The following BRCC3 variants were observed in gnomAD, a reference collection of about 807,000 sequenced individuals.
BRCC3 encodes the protein lys-63-specific deubiquitinase BRCC36.
Under a neutral mutation model 28.0 loss-of-function variants are expected in BRCC3, and 15 were observed. The observed-to-expected ratio is 0.54, with a 90% confidence interval of 0.36 to 0.82. The LOEUF (loss-of-function observed/expected upper bound fraction) is 0.82. Among genes scored for constraint, BRCC3 ranks in the 40% least tolerant of loss-of-function variants. The pLI, the probability that BRCC3 is intolerant of heterozygous loss-of-function variation, is 0.01. For missense variants in BRCC3, 109 were observed against 225.9 expected, an observed-to-expected ratio of 0.48 and a Z score of 3.32; for synonymous variants, 66 against 80.3, an observed-to-expected ratio of 0.82 and a Z score of 0.95.
intron 7 of BRCC3, among the ~76,000 whole-genome samples, chrX:155,094,369 G>C (rs1203498443): frequency 9.1e-6 from 1 of 109,620 alleles, no homozygotes; most frequent in Non-Finnish European, 1.9e-5. Context: ...AAATGATAAT[G>C]ATTATTATTA....
rs781940202 is a variant in BRCC3, at chrX:155,082,545, G to A, written c.403+3842G>A. On this transcript the variant is annotated intron_variant, in intron 5 of 10. Coordinates refer to ENST00000330045, the MANE Select transcript of BRCC3 (RefSeq NM_001018055.3). The stretch of plus-strand genomic sequence containing the variant: ...ATGCAACAATTGTTAACCTTTGGTC[G>A]CATTTGCTTTATCATATTCTCCCTC... 4.5e-5 allele frequency among the ~76,000 whole-genome samples: 5 copies of A among 112,202 alleles called. No homozygotes were observed. The East Asian group carries it at 1.4e-3, about 31-fold the overall frequency.
intron 1 of BRCC3, among the ~76,000 whole-genome samples, chrX:155,071,868 C>A (rs976533623): frequency 3.6e-5 from 4 of 112,026 alleles, no homozygotes; most frequent in African/African-American, 1.3e-4. Flanking sequence ...TGTACAGGCC[C>A]CGGGAGCCTT....
intron 7 of BRCC3, among the ~76,000 whole-genome samples, chrX:155,100,897 A>T (rs1387320528): frequency 9.6e-6 from 1 of 103,641 alleles, no homozygotes; most frequent in African/African-American, 3.5e-5. Flanking sequence ...CAGTATAATA[A>T]TTTTTTTTTT....
At chrX:155,115,050 T>A (rs1300509858) in intron 7 of BRCC3, among the ~76,000 whole-genome samples, 8 of 111,948 alleles carry the variant, frequency 7.1e-5, no homozygotes, top group African/African-American at 2.3e-4. Context: ...CCTGGGAGGC[T>A]GGAAGATGAT....
At chrX:155,092,318 A>G (rs2124271221) in intron 7 of BRCC3, among the ~76,000 whole-genome samples, 1 of 111,808 alleles carries the variant, frequency 8.9e-6, no homozygotes, top group Non-Finnish European at 1.9e-5. Context: ...TTGACAGTAG[A>G]CAATATTTTT....
At chrX:155,097,046 A>G (rs1298056836) in intron 7 of BRCC3, among the ~76,000 whole-genome samples, 6 of 112,534 alleles carry the variant, frequency 5.3e-5, no homozygotes, top group Non-Finnish European at 9.4e-5. Context: ...CTGAAAGTGT[A>G]AAACTACTAG....
At chrX:155,090,930 G>A in intron 7 of BRCC3, 91 bp downstream of exon 7, 1 of 670,375 alleles carries the variant, frequency 1.5e-6, no homozygotes, top group Non-Finnish European at 2.4e-6. Context: ...CCTTTCACTG[G>A]TAAGACACTA....
At chrX:155,101,509 TAAGA>T (rs2074246881) in intron 7 of BRCC3, among the ~76,000 whole-genome samples, 1 of 112,401 alleles carries the variant, frequency 8.9e-6, no homozygotes, top group Admixed American at 9.4e-5. Context: ...TATTCTTCTC[TAAGA>T]AAGAGTTTTC....
chrX:155,095,853 T>C (rs1199658381), intron 7 of BRCC3, among the ~76,000 whole-genome samples: 1 of 111,954 alleles, frequency 8.9e-6, no homozygotes, highest in Non-Finnish European at 1.9e-5. Flanking sequence ...GTCATTGTGT[T>C]ACAGCTGCCT....
chrX:155,115,964 T>A (rs1437174034), intron 7 of BRCC3, 93 bp from the exon 8 acceptor site: 3 of 860,097 alleles, frequency 3.5e-6, no homozygotes, highest in Non-Finnish European at 5.0e-6. Context: ...CTTTAAAGTA[T>A]GCCATATCCC....
intron 5 of BRCC3, among the ~76,000 whole-genome samples, chrX:155,083,905 G>A (rs1477204039): frequency 8.9e-6 from 1 of 112,401 alleles, no homozygotes; most frequent in African/African-American, 3.2e-5. Flanking sequence ...CTGAGGGTCA[G>A]AGCTGAAATA....
chrX:155,098,075 T>C (rs1557296481), intron 7 of BRCC3, among the ~76,000 whole-genome samples: 1 of 112,724 alleles, frequency 8.9e-6, no homozygotes, highest in African/African-American at 3.2e-5. Flanking sequence ...TTTTAAAAAT[T>C]CTGCATTTCT....
At chrX:155,074,903 G>A (rs1557293245) in intron 3 of BRCC3, among the ~76,000 whole-genome samples, 1 of 111,472 alleles carries the variant, frequency 9.0e-6, no homozygotes, top group Non-Finnish European at 1.9e-5. Context: ...TTTAAGTGGA[G>A]TATTCAGTTG....
chrX:155,116,552 T>C (rs942514339), intron 8 of BRCC3, among the ~76,000 whole-genome samples, 159 bp from the exon 9 acceptor site: 4 of 112,054 alleles, frequency 3.6e-5, no homozygotes, highest in African/African-American at 1.3e-4. Flanking sequence ...TTGAATTATC[T>C]TTGAATAAAA....
chrX:155,087,096 G>A (rs1557295002), intron 5 of BRCC3, among the ~76,000 whole-genome samples: 1 of 111,896 alleles, frequency 8.9e-6, no homozygotes, highest in Non-Finnish European at 1.9e-5. Flanking sequence ...GCTGAGATGA[G>A]AATAAGTGTC....
At chrX:155,086,970 G>A (rs942814188) in intron 5 of BRCC3, among the ~76,000 whole-genome samples, 1 of 112,183 alleles carries the variant, frequency 8.9e-6, no homozygotes, top group Non-Finnish European at 1.9e-5. Context: ...AGAAGGAAAG[G>A]CTGAGAGGTG....
intron 5 of BRCC3, among the ~76,000 whole-genome samples, chrX:155,087,761 C>T (rs1177093346): frequency 5.4e-5 from 6 of 111,611 alleles, no homozygotes; most frequent in African/African-American, 1.6e-4. Flanking sequence ...AGGGAGTGAT[C>T]AGCTGAGATC....
chrX:155,102,947 G>T (rs2074256000), intron 7 of BRCC3, among the ~76,000 whole-genome samples: 1 of 111,476 alleles, frequency 9.0e-6, no homozygotes, highest in Non-Finnish European at 1.9e-5. Context: ...GTGTGTGTGT[G>T]TGCGTGTGTG....
At chrX:155,075,794 G>C (rs1557293536) in intron 3 of BRCC3, among the ~76,000 whole-genome samples, 1 of 111,653 alleles carries the variant, frequency 9.0e-6, no homozygotes, top group South Asian at 3.7e-4. Flanking sequence ...ATTATGGCTT[G>C]GCATTTGAGG....
Sources: allele counts gnomAD v4.1 joint callset (sites outside exome capture counted in the v4.1 genomes callset), GRCh38; gene constraint gnomAD v4.1.1; transcripts MANE v1.5; gene names NCBI Gene and HGNC (gene_info 2026-07-23, HGNC 2026-07-21).